Variants in ZNF827 observed in about 807,000 individuals in gnomAD.
ZNF827 encodes the protein zinc finger protein 827.
A neutral mutation model predicts 102.4 loss-of-function variants in ZNF827; 13 were observed. That is an observed-to-expected ratio of 0.13 (90% CI 0.08 to 0.20). The LOEUF is 0.20. Ranked by LOEUF, ZNF827 falls within the 10% of genes least tolerant of loss-of-function variation. The pLI is 1.00. For missense variants in ZNF827, 1,103 were observed against 1,344.4 expected, an observed-to-expected ratio of 0.82 and a Z score of 2.81; for synonymous variants, 523 against 536.2, an observed-to-expected ratio of 0.98 and a Z score of 0.34.
Position 145,938,463 on chromosome 4 carries a change from C to G in ZNF827, c.-56G>C, listed in dbSNP as rs1754396871. On this transcript the variant is annotated 5_prime_UTR_variant, in exon 1 of 15. Coordinates refer to ENST00000508784, the MANE Select transcript of ZNF827 (RefSeq NM_001306215.2). ...GTTAATGTGAGATCAAATAAACCCCCGTGGGGGCAGAGAGGCAGACACTGG... is the reference window on the plus strand; with the variant it reads ...GTTAATGTGAGATCAAATAAACCCCGGTGGGGGCAGAGAGGCAGACACTGG... The G allele has an allele frequency of 2.4e-6, 3 of 1,251,666 alleles. No homozygotes were observed. In the South Asian group the frequency reaches 3.8e-5, roughly 16 times the overall value. The allele number at this position is 1,251,666 out of a possible 1,614,324, so 77.5% of individuals were successfully genotyped here.
chr4:145,930,999 T>A lies in ZNF827; in HGVS notation c.43+7366A>T, dbSNP rs562676353. 7.2e-5 allele frequency among the ~76,000 whole-genome samples: 11 copies of A among 152,340 alleles called. No individual in the cohort carries two copies. In the South Asian group the frequency reaches 1.9e-3, roughly 26 times the overall value. On this transcript the variant is annotated intron_variant, in intron 1 of 14. Coordinates refer to ENST00000508784, the MANE Select transcript of ZNF827 (RefSeq NM_001306215.2). ...TAACTACAACAATTCTAGCCCAAGG[T>A]GGGTCCCTGGGGAATGACAGGAGTC...
chr4:145,907,761 T>G (rs1296339880), intron 1 of ZNF827, among the ~76,000 whole-genome samples: 1 of 151,990 alleles, frequency 6.6e-6, no homozygotes, highest in Non-Finnish European at 1.5e-5. Context: ...CAACAACCTC[T>G]GTCTCTGACT....
At chr4:145,880,846 AG>A (rs1380276713) in intron 4 of ZNF827, among the ~76,000 whole-genome samples, 1 of 152,178 alleles carries the variant, frequency 6.6e-6, no homozygotes, top group Non-Finnish European at 1.5e-5. Flanking sequence ...GGAGTGGGAG[AG>A]CCCCCTGGCT....
At chr4:145,866,772 T>G (rs779232195) in intron 5 of ZNF827, among the ~76,000 whole-genome samples, 4 of 152,240 alleles carry the variant, frequency 2.6e-5, no homozygotes, top group Non-Finnish European at 5.9e-5. Flanking sequence ...TGTATTCCCA[T>G]GGAAACATGT....
rs746633665 is a variant in ZNF827 at position 145,849,511 on chromosome 4, C to A, written c.2032G>T (p.Glu678Ter). 2.5e-6 allele frequency: 4 copies of A among 1,614,152 alleles called. No individual in the cohort carries two copies. Among genetic ancestry groups the A allele is most frequent in the Non-Finnish European group, 3.4e-6 (4 of 1,180,024 alleles). Residue 678 changes from glutamate to a stop codon, truncating the protein, a stop_gained, in exon 6 of 15, where the codon GAG (glutamate) becomes TAG (stop). Transcript: ENST00000508784. LOFTEE classifies it high-confidence loss of function. ...QMVKIKEEPM[E>*]VDIQDSHVSI... ...ACATGGGAGTCCTGGATGTCAACCT[C>A]CATGGGTTCCTCTTTAATCTTCACC...
At chr4:145,776,618 G>T (rs1001416325) in intron 9 of ZNF827, among the ~76,000 whole-genome samples, 1 of 152,090 alleles carries the variant, frequency 6.6e-6, no homozygotes, top group African/African-American at 2.4e-5. Context: ...CTGTTTGTGT[G>T]TGTGTGTGTA....
chr4:145,807,512 G>A (rs537597321), intron 8 of ZNF827, among the ~76,000 whole-genome samples: 11 of 150,082 alleles, frequency 7.3e-5, no homozygotes, highest in Non-Finnish European at 1.3e-4. Context: ...TCGCTCTGTC[G>A]CCCAGGCTGG....
rs1215400834 is a variant in ZNF827 at position 145,775,878 on chromosome 4, G to A, written c.2604C>T (p.Ser868=). The part of the protein sequence containing the change: ...ANLNQHLTVH[S]VKLVSTDTED... ...CGGTGTCTGTACTCACCAGCTTCACGGAATGGACGGTCAAGTGCTGGTTCA... is the reference window on the plus strand; with the variant it reads ...CGGTGTCTGTACTCACCAGCTTCACAGAATGGACGGTCAAGTGCTGGTTCA... The change falls in exon 10 of 15, where the codon TCC becomes TCT. Residue 868 remains serine, a synonymous_variant. Transcript: ENST00000508784. 6 of 1,614,046 alleles carry A rather than the reference G, an allele frequency of 3.7e-6. No individual in the cohort carries two copies. Among genetic ancestry groups the A allele is most frequent in the African/African-American group, 2.7e-5 (2 of 74,906 alleles).
At chr4:145,834,357 C>T (rs888835964) in intron 7 of ZNF827, among the ~76,000 whole-genome samples, 6 of 152,104 alleles carry the variant, frequency 3.9e-5, no homozygotes, top group African/African-American at 7.2e-5. Context: ...CCCCAAGCGT[C>T]GCTGAGTCTT....
At chr4:145,903,301 T>C (rs1751579183) in intron 1 of ZNF827, 86 bp from the exon 2 acceptor site, 21 of 1,488,702 alleles carry the variant, frequency 1.4e-5, no homozygotes, top group Non-Finnish European at 1.8e-5. Flanking sequence ...GATGACATGC[T>C]TTCTCTTCCC....
At chr4:145,780,468 C>A (rs959329590) in intron 8 of ZNF827, among the ~76,000 whole-genome samples, 3 of 152,134 alleles carry the variant, frequency 2.0e-5, no homozygotes, top group Non-Finnish European at 4.4e-5. Context: ...GAAAACAGTG[C>A]CACAAGTTAT....
In ZNF827 at chr4:145,926,245, T is replaced by C. The variant is rs562750861; in HGVS notation, c.43+12120A>G. On this transcript the variant is annotated intron_variant, in intron 1 of 14. Transcript: ENST00000508784. Reference sequence around the variant, plus strand: ...TGAGAATTTAGGATGAATAACAATTTACTCCCTTTTTCACTTGAAAGAACT... The same window carrying C: ...TGAGAATTTAGGATGAATAACAATTCACTCCCTTTTTCACTTGAAAGAACT... Among the ~76,000 whole-genome samples, 6 of 152,330 alleles carry C rather than the reference T, an allele frequency of 3.9e-5. No individual in the cohort carries two copies. In the South Asian group the frequency reaches 1.2e-3, roughly 32 times the overall value.
intron 8 of ZNF827, chr4:145,820,114 C>T (rs1308932417): frequency 6.5e-6 from 1 of 152,810 alleles, no homozygotes; most frequent in Non-Finnish European, 1.5e-5. Context: ...ACAAGCACAA[C>T]ACACTGAAGC....
At chr4:145,867,142 T>C (rs2126741969) in intron 5 of ZNF827, among the ~76,000 whole-genome samples, 1 of 152,354 alleles carries the variant, frequency 6.6e-6, no homozygotes, top group South Asian at 2.1e-4. Flanking sequence ...AGTCGCAGAC[T>C]TCCAGTGCTT....
At chr4:145,788,979 C>T (rs1271909005) in intron 8 of ZNF827, among the ~76,000 whole-genome samples, 1 of 152,144 alleles carries the variant, frequency 6.6e-6, no homozygotes, top group Non-Finnish European at 1.5e-5. Context: ...ACATACGTTC[C>T]TTACTAGCTT....
Position 145,807,800 on chromosome 4 carries a change from C to CAA in ZNF827, c.2383+15620_2383+15621dup, listed in dbSNP as rs199536341. On this transcript the variant is annotated intron_variant, in intron 8 of 14. Coordinates refer to ENST00000508784, the MANE Select transcript of ZNF827 (RefSeq NM_001306215.2). ...AAAAAAAAAAAACAAAAAACAAAAA[C>CAA]AAAAAAAAAACAAAAAACAAAAAAC... Among the ~76,000 whole-genome samples the CAA allele has an allele frequency of 4.4e-5, 6 of 136,574 alleles. No individual in the cohort carries two copies. The East Asian group carries it at 6.2e-4, about 14-fold the overall frequency. The allele number at this position is 136,574 out of a possible 152,430, so 89.6% of individuals were successfully genotyped here.
intron 8 of ZNF827, among the ~76,000 whole-genome samples, chr4:145,796,304 T>C (rs1040452287): frequency 2.0e-5 from 3 of 152,210 alleles, no homozygotes; most frequent in African/African-American, 4.8e-5. Flanking sequence ...TTTCCACTTG[T>C]TTGTGCATAA....
intron 5 of ZNF827, among the ~76,000 whole-genome samples, chr4:145,868,853 T>C (rs1748434365): frequency 6.6e-6 from 1 of 152,170 alleles, no homozygotes; most frequent in South Asian, 2.1e-4. Context: ...CACTGGAATG[T>C]GAAAGTGTAT....
Position 145,921,517 on chromosome 4 carries a change from A to G in ZNF827, c.43+16848T>C, listed in dbSNP as rs150550969. 5.3e-3 allele frequency among the ~76,000 whole-genome samples: 803 copies of G among 150,340 alleles called. 5 individuals are homozygous for G. The highest frequency in any genetic ancestry group is 0.041 in the East Asian group (206 of 5,078). On this transcript the variant is annotated intron_variant, in intron 1 of 14. Coordinates refer to ENST00000508784, the MANE Select transcript of ZNF827 (RefSeq NM_001306215.2). ...AAGAGGTCAGCTGGCAACCATTTCA[A>G]TTCTCTTTGAGAAAAAATATGAGTG...
Sources: allele counts gnomAD v4.1 joint callset (sites outside exome capture counted in the v4.1 genomes callset), GRCh38; gene constraint gnomAD v4.1.1; transcripts MANE v1.5; gene names NCBI Gene and HGNC (gene_info 2026-07-23, HGNC 2026-07-21).